DMRT1: variants seen among roughly 807,000 people sequenced by gnomAD.
DMRT1 encodes the protein doublesex- and mab-3-related transcription factor 1.
Under a neutral mutation model 32.3 loss-of-function variants are expected in DMRT1, and 7 were observed. The observed-to-expected ratio is 0.22, with a 90% confidence interval of 0.12 to 0.41. The LOEUF (loss-of-function observed/expected upper bound fraction) is 0.41. Ranked by LOEUF, DMRT1 falls within the 10% of genes least tolerant of loss-of-function variation. DMRT1 has a pLI of 1.00. For synonymous variants in DMRT1, 278 were observed against 206.1 expected (o/e 1.35, Z -2.99); for missense variants, 625 against 500.5 (o/e 1.25, Z -2.37).
intron 2 of DMRT1, among the ~76,000 whole-genome samples, chr9:851,941 T>C (rs943645454): frequency 7.8e-5 from 7 of 89,556 alleles, no homozygotes; most frequent in African/African-American, 2.1e-4. Context: ...GGTACACTTT[T>C]TTTTTGTTTT....
intron 2 of DMRT1, among the ~76,000 whole-genome samples, chr9:874,658 A>T (rs1351796005): frequency 6.6e-6 from 1 of 151,984 alleles, no homozygotes; most frequent in East Asian, 1.9e-4. Context: ...TGATGCCTTA[A>T]TTTCTTGAGT....
intron 4 of DMRT1, among the ~76,000 whole-genome samples, chr9:942,135 A>G (rs1390767813): frequency 6.6e-6 from 1 of 152,178 alleles, no homozygotes; most frequent in African/African-American, 2.4e-5. Context: ...GCCCATGACC[A>G]TCTAGGCCTT....
rs140489349 is a variant in DMRT1, at chr9:859,321, A to G, written c.538+12178A>G. Among the ~76,000 whole-genome samples, 246 of 152,298 alleles carry G rather than the reference A, an allele frequency of 1.6e-3. 4 individuals carry two copies. Among genetic ancestry groups the G allele is most frequent in the East Asian group, 0.011 (56 of 5,182 alleles). ...ATAGGGAACGGATGCAGGGGACTGT[A>G]TACTAACACCTTATGCAGTACACTG... On this transcript the variant is annotated intron_variant, in intron 2 of 4. Transcript: ENST00000382276.
intron 1 of DMRT1, among the ~76,000 whole-genome samples, chr9:843,289 G>A (rs896820076): frequency 6.6e-6 from 1 of 152,244 alleles, no homozygotes; most frequent in African/African-American, 2.4e-5. Flanking sequence ...TCGCTGCAAT[G>A]GACACAGCGT....
At chr9:966,547 A>C (rs1819935815) in intron 4 of DMRT1, among the ~76,000 whole-genome samples, 1 of 152,184 alleles carries the variant, frequency 6.6e-6, no homozygotes. Flanking sequence ...AGGTAGCTGT[A>C]CAAAACTATC....
At chr9:866,660 G>C (rs1023165253) in intron 2 of DMRT1, among the ~76,000 whole-genome samples, 3 of 152,214 alleles carry the variant, frequency 2.0e-5, no homozygotes, top group Non-Finnish European at 4.4e-5. Context: ...GGATGGGCAA[G>C]GAAGTAACAA....
intron 2 of DMRT1, among the ~76,000 whole-genome samples, chr9:872,812 T>C (rs920373312): frequency 1.3e-5 from 2 of 152,230 alleles, no homozygotes; most frequent in Non-Finnish European, 2.9e-5. Context: ...GTGGTTCATG[T>C]GGTGGGTCTG....
chr9:912,997 AT>A (rs1818042132), intron 3 of DMRT1, among the ~76,000 whole-genome samples: 1 of 152,164 alleles, frequency 6.6e-6, no homozygotes. Context: ...CATTTTACAA[AT>A]TGCTAGAGAC....
chr9:871,363 T>C (rs1472927601), intron 2 of DMRT1, among the ~76,000 whole-genome samples: 1 of 148,558 alleles, frequency 6.7e-6, no homozygotes, highest in African/African-American at 2.5e-5. Flanking sequence ...GACTGAGTCT[T>C]GCCCTGTCAC....
chr9:912,897 C>T (rs562494477), intron 3 of DMRT1, among the ~76,000 whole-genome samples: 2 of 152,254 alleles, frequency 1.3e-5, no homozygotes, highest in South Asian at 4.2e-4. Flanking sequence ...GAGTTCCCTT[C>T]TCACCTTACT....
chr9:911,052 G>T (rs1169750151), intron 3 of DMRT1, among the ~76,000 whole-genome samples: 2 of 152,156 alleles, frequency 1.3e-5, no homozygotes, highest in African/African-American at 4.8e-5. Flanking sequence ...CTAGCTGGAG[G>T]TGAGGGACTG....
chr9:948,233 C>T (rs939417804), intron 4 of DMRT1, among the ~76,000 whole-genome samples: 8 of 152,118 alleles, frequency 5.3e-5, no homozygotes, highest in South Asian at 2.1e-4. Context: ...TGCTCAGGCC[C>T]GCCCCTCCTC....
intron 4 of DMRT1, among the ~76,000 whole-genome samples, chr9:942,992 C>T (rs575575960): frequency 6.6e-6 from 1 of 152,078 alleles, no homozygotes; most frequent in Non-Finnish European, 1.5e-5. Flanking sequence ...ACCCCTCCCC[C>T]CAACCCTATA....
At chr9:922,537 C>T (rs1206680513) in intron 4 of DMRT1, among the ~76,000 whole-genome samples, 2 of 152,200 alleles carry the variant, frequency 1.3e-5, no homozygotes, top group East Asian at 1.9e-4. Flanking sequence ...ACATCGTTCT[C>T]TGCATGTTGA....
At chr9:931,329 A>T (rs1818718136) in intron 4 of DMRT1, among the ~76,000 whole-genome samples, 1 of 152,238 alleles carries the variant, frequency 6.6e-6, no homozygotes, top group Non-Finnish European at 1.5e-5. Flanking sequence ...ATTCTGTCTC[A>T]TTTTATTAAG....
At chr9:845,052 A>G (rs928178113) in intron 1 of DMRT1, among the ~76,000 whole-genome samples, 11 of 151,598 alleles carry the variant, frequency 7.3e-5, no homozygotes, top group Non-Finnish European at 1.5e-4. Context: ...GAACGTTTTG[A>G]TTTCACCTTT....
intron 2 of DMRT1, among the ~76,000 whole-genome samples, chr9:853,948 A>G (rs1412356544): frequency 6.6e-6 from 1 of 151,894 alleles, no homozygotes; most frequent in Non-Finnish European, 1.5e-5. Flanking sequence ...GGTGCACGCT[A>G]TCATGCCTGG....
intron 2 of DMRT1, among the ~76,000 whole-genome samples, chr9:879,684 C>G (rs1816652210): frequency 6.6e-6 from 1 of 152,128 alleles, no homozygotes. Flanking sequence ...ACATTTTGTA[C>G]TCTGTTTCAT....
At chr9:909,015 C>T (rs1817879423) in intron 3 of DMRT1, among the ~76,000 whole-genome samples, 2 of 152,168 alleles carry the variant, frequency 1.3e-5, no homozygotes. Flanking sequence ...GCGGGAATCC[C>T]TTACAAAGGC....
Sources: allele counts gnomAD v4.1 joint callset (sites outside exome capture counted in the v4.1 genomes callset), GRCh38; gene constraint gnomAD v4.1.1; transcripts MANE v1.5; gene names NCBI Gene and HGNC (gene_info 2026-07-23, HGNC 2026-07-21).